ZNF680: variants seen among roughly 807,000 people sequenced by gnomAD.
The protein encoded by ZNF680 is zinc finger protein 680.
A neutral mutation model predicts 12.1 loss-of-function variants in ZNF680; 6 were observed. The ratio of observed to expected loss-of-function variants is 0.49; its 90% CI spans 0.27 to 0.98. The LOEUF (loss-of-function observed/expected upper bound fraction) is 0.98. Among genes scored for constraint, ZNF680 ranks in the 50% least tolerant of loss-of-function variants. The pLI, the probability that ZNF680 is intolerant of heterozygous loss-of-function variation, is 0.12. For missense variants in ZNF680, 561 were observed against 616.3 expected (o/e 0.91, Z 0.95); for synonymous variants, 170 against 199.3 (o/e 0.85, Z 1.24).
At chr7:64,542,182 C>A (rs1315907568) in intron 3 of ZNF680, among the ~76,000 whole-genome samples, 2 of 152,070 alleles carry the variant, frequency 1.3e-5, no homozygotes. Context: ...CAAGCTACGC[C>A]CCTCTCCACT....
chr7:64,553,666 G>A (rs959249466), intron 1 of ZNF680, among the ~76,000 whole-genome samples: 7 of 152,180 alleles, frequency 4.6e-5, no homozygotes, highest in African/African-American at 1.4e-4. Flanking sequence ...CCGCCATCTC[G>A]GCTCACTGCA....
chr7:64,502,644 C>A, the ZNF680 span, among the ~76,000 whole-genome samples: 1 of 152,056 alleles, frequency 6.6e-6, no homozygotes, highest in African/African-American at 2.4e-5. Context: ...ATGTTTGGGA[C>A]CTATTTTTCT....
downstream of ZNF680, among the ~76,000 whole-genome samples, chr7:64,517,306 CTACTATGAACACCTT>C (rs1213787141): frequency 1.3e-5 from 2 of 151,988 alleles, no homozygotes; most frequent in African/African-American, 2.4e-5. Flanking sequence ...TCATTCAAGG[CTACTATGAACACCTT>C]TACACACATA....
chr7:64,546,920 A>G (rs1191786567), intron 1 of ZNF680, among the ~76,000 whole-genome samples: 2 of 152,152 alleles, frequency 1.3e-5, no homozygotes, highest in African/African-American at 4.8e-5. Flanking sequence ...TCATGAATGT[A>G]TCCTGAACCC....
At chr7:64,530,069 G>A (rs1237104168) in intron 3 of ZNF680, among the ~76,000 whole-genome samples, 2 of 152,162 alleles carry the variant, frequency 1.3e-5, no homozygotes, top group African/African-American at 4.8e-5. Context: ...ACATATGAAG[G>A]AAAGATATAG....
chr7:64,526,076 C>G (rs1295843052), intron 3 of ZNF680: 1 of 955,742 alleles, frequency 1.0e-6, no homozygotes, highest in Non-Finnish European at 1.2e-6. Flanking sequence ...GTGGCATATC[C>G]TAAAATATAT....
the ZNF680 span, chr7:64,500,679 C>G: frequency 8.9e-6 from 2 of 225,982 alleles, no homozygotes; most frequent in Non-Finnish European, 1.8e-5. Flanking sequence ...TGTGAAGAGA[C>G]GAAGACTGAG....
the ZNF680 span, among the ~76,000 whole-genome samples, chr7:64,502,312 G>A: frequency 6.6e-6 from 1 of 151,996 alleles, no homozygotes; most frequent in Non-Finnish European, 1.5e-5. Context: ...TGCCCGGCCG[G>A]ATTTACGGTT....
the ZNF680 span, among the ~76,000 whole-genome samples, chr7:64,508,123 G>GTATATATATATATATATATATATATA: frequency 5.1e-3 from 604 of 117,456 alleles, 60 homozygotes; most frequent in African/African-American, 0.022. Context: ...ATTTTAAAAT[G>GTATATATATATATATATATATATATA]TATATATATA....
intron 1 of ZNF680, among the ~76,000 whole-genome samples, chr7:64,545,049 A>G (rs1053183972): frequency 1.1e-4 from 17 of 152,094 alleles, no homozygotes; most frequent in African/African-American, 4.1e-4. Flanking sequence ...ACCTGAGGTC[A>G]CGAGTTCGAA....
Position 64,521,352 on chromosome 7 carries a change from C to T in ZNF680, c.1402G>A (p.Gly468Ser), listed in dbSNP as rs1791518276. The T allele has an allele frequency of 1.2e-6, 2 of 1,613,382 alleles. No individual in the cohort carries two copies. Among genetic ancestry groups the T allele is most frequent in the Non-Finnish European group, 1.7e-6 (2 of 1,179,650 alleles). The change falls in exon 4 of 4, where the codon GGC becomes AGC. Residue 468 changes from glycine (G) to serine (S), a missense_variant. By Grantham distance (56) the Gly-to-Ser change is moderately conservative (BLOSUM62 0). Coordinates refer to ENST00000309683, the MANE Select transcript of ZNF680 (RefSeq NM_178558.5). Reference sequence around the variant, plus strand: ...GTTGCAGGCCAGTTAAAAACATTGCCACATTCATCACATTTGTAGGATTTC... The same window carrying T: ...GTTGCAGGCCAGTTAAAAACATTGCTACATTCATCACATTTGTAGGATTTC... Reference protein sequence around the residue: ...GEKSYKCDECGNVFNWPATLA... With the variant: ...GEKSYKCDECSNVFNWPATLA...
At chr7:64,545,669 T>A (rs1786751379) in intron 1 of ZNF680, among the ~76,000 whole-genome samples, 1 of 152,236 alleles carries the variant, frequency 6.6e-6, no homozygotes, top group South Asian at 2.1e-4. Context: ...CTATTTACTG[T>A]ACTATTAAAT....
At chr7:64,508,142 T>TAC in the ZNF680 span, among the ~76,000 whole-genome samples, 3 of 112,190 alleles carry the variant, frequency 2.7e-5, no homozygotes, top group East Asian at 2.9e-4. Context: ...TATATATATA[T>TAC]ACATAATTTT....
At chr7:64,526,526 A>G in intron 3 of ZNF680, 1 of 580,228 alleles carries the variant, frequency 1.7e-6, no homozygotes, top group Non-Finnish European at 2.9e-6. Context: ...CTCTGCATAT[A>G]AACAAACAGA....
rs1787817785 is a variant in ZNF680 at position 64,562,791 on chromosome 7, G to C, written c.30+134C>G. On this transcript the variant is annotated intron_variant, in intron 1 of 3. Coordinates refer to ENST00000309683, the MANE Select transcript of ZNF680 (RefSeq NM_178558.5). Reference sequence around the variant, plus strand: ...TTATGGCTGAAGGGGACTGAGGACCGAGCTGCGCCAAGGACAACTCGGGCC... The same window carrying C: ...TTATGGCTGAAGGGGACTGAGGACCCAGCTGCGCCAAGGACAACTCGGGCC... 82 of 981,956 alleles carry C rather than the reference G, an allele frequency of 8.4e-5. 3 individuals are homozygous for C. The South Asian group carries it at 1.1e-3, about 13-fold the overall frequency. The allele number at this position is 981,956 out of a possible 1,614,324, so 60.8% of individuals were successfully genotyped here. A position where few individuals can be genotyped will look rare whatever the true frequency, so the allele number is the denominator to read the frequency against.
rs1261299964 is a variant in ZNF680, at chr7:64,521,542, T to C, written c.1212A>G (p.Lys404=). The C allele has an allele frequency of 1.2e-6, 2 of 1,613,224 alleles. No homozygotes were observed. The highest frequency in any genetic ancestry group is 1.1e-5 in the South Asian group (1 of 91,052). ...TGCCACATTCTTCACATTTGTAGGG[T>C]TTCTCTCCAGTATGAATTCTCATAT... ...TEHMRIHTGE[K]PYKCEECGKA... The change falls in exon 4 of 4, where the codon AAA becomes AAG. Residue 404 remains lysine (K), a synonymous_variant. Coordinates refer to ENST00000309683, the MANE Select transcript of ZNF680 (RefSeq NM_178558.5).
chr7:64,511,030 G>C, the ZNF680 span, among the ~76,000 whole-genome samples: 2 of 151,608 alleles, frequency 1.3e-5, no homozygotes, highest in Non-Finnish European at 2.9e-5. Flanking sequence ...CCAGCACTTT[G>C]GGAGGCCAAG....
intron 1 of ZNF680, among the ~76,000 whole-genome samples, chr7:64,562,063 C>T (rs1275957849): frequency 6.6e-6 from 1 of 150,998 alleles, no homozygotes; most frequent in Non-Finnish European, 1.5e-5. Flanking sequence ...TGAAACCCGT[C>T]TCTACTAAAA....
At chr7:64,550,266 T>C (rs915842497) in intron 1 of ZNF680, among the ~76,000 whole-genome samples, 3 of 152,188 alleles carry the variant, frequency 2.0e-5, no homozygotes, top group African/African-American at 7.2e-5. Flanking sequence ...GTGTCCAGTG[T>C]GGAATTATTA....
Sources: gnomAD v4.1 joint callset for allele counts (sites outside exome capture counted in the v4.1 genomes callset) on GRCh38, gnomAD v4.1.1 for gene constraint, MANE v1.5 for transcripts, NCBI Gene and HGNC (gene_info 2026-07-23, HGNC 2026-07-21) for gene names.